TRPC7: variants seen among roughly 807,000 people sequenced by gnomAD.
TRPC7 encodes the protein short transient receptor potential channel 7.
In TRPC7, 42 loss-of-function variants were observed where a neutral mutation model predicts 90.1. The ratio of observed to expected loss-of-function variants is 0.47; its 90% confidence interval spans 0.36 to 0.60. The LOEUF is 0.60. Ranked by LOEUF, TRPC7 falls within the 20% of genes least tolerant of loss-of-function variation. The pLI is 0.00. For synonymous variants in TRPC7, 451 were observed against 436.3 expected, an observed-to-expected ratio of 1.03 and a Z score of -0.42; for missense variants, 955 against 1,112.3, an observed-to-expected ratio of 0.86 and a Z score of 2.01.
intron 1 of TRPC7, among the ~76,000 whole-genome samples, chr5:136,363,261 A>T (rs1203546735): frequency 6.6e-6 from 1 of 152,136 alleles, no homozygotes; most frequent in Non-Finnish European, 1.5e-5. Context: ...AAGGCATCCA[A>T]CTTATTTCTA....
Position 136,247,838 on chromosome 5 carries a change from TCTTGTC to T in TRPC7, c.1580-109_1580-104del. On this transcript the variant is annotated intron_variant, in intron 6 of 11. Coordinates refer to ENST00000513104, the MANE Select transcript of TRPC7 (RefSeq NM_020389.3). The surrounding 1 kb of genome is among the most constrained non-coding windows in gnomAD (Gnocchi z 4.2). The stretch of plus-strand genomic sequence containing the variant: ...GGTCTCCAACTGCATCATTTGCCAT[TCTTGTC>T]CTTGTCCTTAAATTAATCCCAATAT... The T allele has an allele frequency of 1.4e-6, 2 of 1,411,162 alleles. No homozygotes were observed. The highest frequency in any genetic ancestry group is 1.9e-6 in the Non-Finnish European group (2 of 1,044,970). 87.4% of individuals were successfully genotyped at this position (1,411,162 alleles called of 1,614,324 possible). A position where few individuals can be genotyped will look rare whatever the true frequency, so the allele number is the denominator to read the frequency against.
chr5:136,335,056 A>G (rs1759610144), intron 2 of TRPC7, among the ~76,000 whole-genome samples: 1 of 152,220 alleles, frequency 6.6e-6, no homozygotes, highest in South Asian at 2.1e-4. Context: ...TTTGCTTTAA[A>G]CTGATTTATC....
intron 7 of TRPC7, among the ~76,000 whole-genome samples, chr5:136,239,321 GA>G (rs1200883430): frequency 6.6e-6 from 1 of 152,216 alleles, no homozygotes; most frequent in Non-Finnish European, 1.5e-5. Flanking sequence ...GAAAGGTGGA[GA>G]TTGTAACTTT....
At chr5:136,255,875 C>G (rs941422880) in intron 5 of TRPC7, among the ~76,000 whole-genome samples, 1 of 152,142 alleles carries the variant, frequency 6.6e-6, no homozygotes, top group Non-Finnish European at 1.5e-5. Flanking sequence ...AGAAGGTCTG[C>G]CCCTAGAGTT....
chr5:136,261,567 A>T (rs1277314670), intron 5 of TRPC7, among the ~76,000 whole-genome samples: 1 of 152,162 alleles, frequency 6.6e-6, no homozygotes, highest in African/African-American at 2.4e-5. Flanking sequence ...TGGCCTCATC[A>T]GCAGCATTCG....
chr5:136,270,115 A>T (rs1757161560), intron 4 of TRPC7, among the ~76,000 whole-genome samples: 1 of 152,160 alleles, frequency 6.6e-6, no homozygotes, highest in African/African-American at 2.4e-5. Context: ...AGCAGCTAAG[A>T]TGTTTATGTT....
intron 1 of TRPC7, among the ~76,000 whole-genome samples, chr5:136,363,396 A>T (rs7709309): frequency 0.031 from 4,743 of 152,244 alleles, 251 homozygotes; most frequent in African/African-American, 0.11. Context: ...TTACAAATAT[A>T]TTAATTGTGG....
Position 136,308,036 on chromosome 5 carries a change from C to T in TRPC7, c.963+7561G>A, listed in dbSNP as rs143726981. On this transcript the variant is annotated intron_variant, in intron 3 of 11. Coordinates refer to ENST00000513104, the MANE Select transcript of TRPC7 (RefSeq NM_020389.3). ...AAGTGAAGAACTTGGGACTTGAACA[C>T]GCACAGTCGGGCTCCTGGACACGAC... Among the ~76,000 whole-genome samples, 337 of 152,276 alleles carry T rather than the reference C, an allele frequency of 2.2e-3. 6 individuals are homozygous for T. The highest frequency in any genetic ancestry group is 7.7e-3 in the African/African-American group (320 of 41,552).
chr5:136,245,090 A>G (rs1336784122), intron 7 of TRPC7, among the ~76,000 whole-genome samples: 1 of 152,134 alleles, frequency 6.6e-6, no homozygotes, highest in Non-Finnish European at 1.5e-5. Context: ...TAGTATTCTC[A>G]TTTTGGAGCT....
intron 7 of TRPC7, among the ~76,000 whole-genome samples, chr5:136,238,623 G>A (rs951023733): frequency 1.3e-4 from 6 of 46,480 alleles, no homozygotes; most frequent in Non-Finnish European, 2.0e-4. Flanking sequence ...CCTCTCCCCT[G>A]TCAGACAGTG....
At chr5:136,326,709 G>A (rs1352918040) in intron 2 of TRPC7, among the ~76,000 whole-genome samples, 1 of 152,106 alleles carries the variant, frequency 6.6e-6, no homozygotes, top group Non-Finnish European at 1.5e-5. Flanking sequence ...CACCTTCCTG[G>A]GTGCTAGCAT....
intron 2 of TRPC7, among the ~76,000 whole-genome samples, chr5:136,320,449 A>C (rs1315285680): frequency 6.6e-6 from 1 of 152,102 alleles, no homozygotes; most frequent in Admixed American, 6.6e-5. Flanking sequence ...TTCTCTGTAC[A>C]CCCGCTCCAA....
intron 2 of TRPC7, among the ~76,000 whole-genome samples, chr5:136,344,959 G>A (rs552289564): frequency 2.0e-5 from 3 of 152,282 alleles, no homozygotes; most frequent in Non-Finnish European, 2.9e-5. Context: ...TAGAATGTAA[G>A]CTCCATGAGG....
intron 3 of TRPC7, among the ~76,000 whole-genome samples, chr5:136,289,234 C>T (rs531312575): frequency 2.5e-4 from 38 of 152,276 alleles, no homozygotes; most frequent in African/African-American, 4.6e-4. Context: ...GCATGAGCGA[C>T]GCAGAAGACG....
chr5:136,315,784 C>T lies in TRPC7; in HGVS notation c.781-5G>A. On this transcript the variant is annotated splice_polypyrimidine_tract_variant and splice_region_variant and intron_variant, in intron 2 of 11. Transcript: ENST00000513104. ...AGATAACTTCCTGTAATCGTTCTAA[C>T]AGAATAGAGAGAAATCAGCGGTATG... 1.2e-6 allele frequency: 2 copies of T among 1,612,276 alleles called. No homozygotes were observed. Among genetic ancestry groups the T allele is most frequent in the Non-Finnish European group, 1.7e-6 (2 of 1,178,700 alleles).
chr5:136,310,929 C>A (rs1758806451), intron 3 of TRPC7, among the ~76,000 whole-genome samples: 1 of 152,092 alleles, frequency 6.6e-6, no homozygotes, highest in South Asian at 2.1e-4. Context: ...GAACTAATCA[C>A]CCTTGCTGGT....
At chr5:136,293,908 A>T (rs975269886) in intron 3 of TRPC7, among the ~76,000 whole-genome samples, 2 of 152,228 alleles carry the variant, frequency 1.3e-5, no homozygotes, top group African/African-American at 4.8e-5. Flanking sequence ...AGCCTACAGT[A>T]ACCAAAACAG....
chr5:136,349,269 T>A (rs1486257395), intron 2 of TRPC7, among the ~76,000 whole-genome samples: 2 of 152,206 alleles, frequency 1.3e-5, no homozygotes, highest in Non-Finnish European at 2.9e-5. Context: ...TTGGCCTATT[T>A]TTAACCATGG....
At chr5:136,322,246 C>T (rs1293524141) in intron 2 of TRPC7, among the ~76,000 whole-genome samples, 2 of 152,074 alleles carry the variant, frequency 1.3e-5, no homozygotes, top group Non-Finnish European at 2.9e-5. Flanking sequence ...AACTCTTGAC[C>T]TCAAGTGATC....
Sources: allele counts gnomAD v4.1 joint callset (sites outside exome capture counted in the v4.1 genomes callset), GRCh38; gene constraint gnomAD v4.1.1; non-coding constraint Gnocchi (gnomAD v3.1); transcripts MANE v1.5; gene names NCBI Gene and HGNC (gene_info 2026-07-23, HGNC 2026-07-21).